FTCDNL1: variants seen among roughly 807,000 people sequenced by gnomAD.
FTCDNL1 encodes formiminotransferase N-terminal subdomain-containing protein.
Under a neutral mutation model 5.9 loss-of-function variants are expected in FTCDNL1, and 11 were observed. The observed-to-expected ratio is 1.87, with a 90% confidence interval of 1.18 to 3.10. The LOEUF (loss-of-function observed/expected upper bound fraction) is 3.10, where lower values mean the gene tolerates loss of function less well. Among genes scored for constraint, FTCDNL1 ranks in the 30% most tolerant of loss-of-function variants. The pLI is 0.00. For synonymous variants in FTCDNL1, 58 were observed against 24.8 expected (o/e 2.34, Z -3.99); for missense variants, 115 against 65.5 (o/e 1.76, Z -2.61).
chr2:199,816,177 C>A (rs1432273255), intron 4 of FTCDNL1, among the ~76,000 whole-genome samples: 1 of 152,074 alleles, frequency 6.6e-6, no homozygotes, highest in Non-Finnish European at 1.5e-5. Flanking sequence ...ATTCACTGAT[C>A]CTCCTTGAAA....
the FTCDNL1 span, among the ~76,000 whole-genome samples, chr2:199,709,015 C>T: frequency 6.6e-6 from 1 of 152,198 alleles, no homozygotes; most frequent in South Asian, 2.1e-4. Flanking sequence ...CCTCCCTGTT[C>T]CCCAAGTGAA....
At chr2:199,701,014 G>A in the FTCDNL1 span, among the ~76,000 whole-genome samples, 1,661 of 152,086 alleles carry the variant, frequency 0.011, 34 homozygotes, top group African/African-American at 0.038. Context: ...GATTTTCAAT[G>A]TGAAAATAAA....
intron 3 of FTCDNL1, among the ~76,000 whole-genome samples, chr2:199,771,410 T>C (rs2106288040): frequency 6.6e-6 from 1 of 152,300 alleles, no homozygotes; most frequent in East Asian, 1.9e-4. Flanking sequence ...ACTCATGGAA[T>C]TGAGAACTGT....
At chr2:199,755,895 T>C (rs1359977759), downstream of FTCDNL1, among the ~76,000 whole-genome samples, 1 of 152,266 alleles carries the variant, frequency 6.6e-6, no homozygotes, top group Non-Finnish European at 1.5e-5. Flanking sequence ...TATTAGCTTC[T>C]GTTATTATGA....
At chr2:199,742,374 G>T in the FTCDNL1 span, among the ~76,000 whole-genome samples, 1 of 152,072 alleles carries the variant, frequency 6.6e-6, no homozygotes, top group Non-Finnish European at 1.5e-5. Context: ...CTGCTCAAAG[G>T]CTCCAAAGTA....
chr2:199,721,219 T>C, the FTCDNL1 span, among the ~76,000 whole-genome samples: 14 of 152,186 alleles, frequency 9.2e-5, no homozygotes, highest in Non-Finnish European at 1.9e-4. Flanking sequence ...TATCAACCCA[T>C]TACCTAAATA....
At chr2:199,710,430 T>C in the FTCDNL1 span, among the ~76,000 whole-genome samples, 2 of 152,228 alleles carry the variant, frequency 1.3e-5, no homozygotes, top group East Asian at 3.9e-4. Context: ...TATAACAAGG[T>C]AATGTGTCAA....
chr2:199,768,137 T>C (rs565033525), intron 3 of FTCDNL1, among the ~76,000 whole-genome samples: 12 of 152,320 alleles, frequency 7.9e-5, no homozygotes, highest in Middle Eastern at 3.4e-3. Context: ...TTTAGAAATA[T>C]GAAAAGAGAT....
At chr2:199,790,215 C>A (rs755135235) in intron 3 of FTCDNL1, among the ~76,000 whole-genome samples, 1 of 151,728 alleles carries the variant, frequency 6.6e-6, no homozygotes, top group East Asian at 1.9e-4. Context: ...AAAAAAAATG[C>A]GGCTGGGCGC....
chr2:199,680,305 C>T, the FTCDNL1 span, among the ~76,000 whole-genome samples: 72 of 152,146 alleles, frequency 4.7e-4, no homozygotes, highest in African/African-American at 1.4e-3. Context: ...TTAAAAAGCA[C>T]AAATCATAGA....
At chr2:199,682,172 G>A in the FTCDNL1 span, among the ~76,000 whole-genome samples, 3 of 152,174 alleles carry the variant, frequency 2.0e-5, no homozygotes, top group African/African-American at 4.8e-5. Flanking sequence ...GAGCAAAGCA[G>A]ATTGCCTCCA....
the FTCDNL1 span, among the ~76,000 whole-genome samples, chr2:199,703,206 TG>T: frequency 1.4e-5 from 2 of 141,710 alleles, no homozygotes; most frequent in African/African-American, 2.5e-5. Flanking sequence ...CCCTCCCCCC[TG>T]CCCCCACCCC....
the FTCDNL1 span, among the ~76,000 whole-genome samples, chr2:199,742,175 C>T: frequency 6.6e-6 from 1 of 152,008 alleles, no homozygotes; most frequent in Non-Finnish European, 1.5e-5. Context: ...TGATCCCCTC[C>T]TAACCATTCT....
At chr2:199,714,807 G>A in the FTCDNL1 span, among the ~76,000 whole-genome samples, 1 of 151,986 alleles carries the variant, frequency 6.6e-6, no homozygotes, top group Non-Finnish European at 1.5e-5. Flanking sequence ...CACAGACACT[G>A]CAGTCCTGTT....
intron 3 of FTCDNL1, among the ~76,000 whole-genome samples, chr2:199,837,429 A>G (rs1485791237): frequency 6.6e-6 from 1 of 152,244 alleles, no homozygotes; most frequent in African/African-American, 2.4e-5. Context: ...CTATATCAGA[A>G]CCCAGCATCT....
the FTCDNL1 span, among the ~76,000 whole-genome samples, chr2:199,751,742 G>A: frequency 2.2e-5 from 3 of 138,208 alleles, no homozygotes; most frequent in East Asian, 2.1e-4. Flanking sequence ...AAAGTGTTCC[G>A]CGAGGTAACA....
downstream of FTCDNL1, chr2:199,760,542 T>G (rs890151048): frequency 1.2e-5 from 5 of 425,518 alleles, no homozygotes; most frequent in Non-Finnish European, 2.1e-5. Flanking sequence ...CAAATTATTT[T>G]TGAAAAACAG....
chr2:199,793,650 C>T (rs1700039751), intron 3 of FTCDNL1, among the ~76,000 whole-genome samples: 1 of 151,972 alleles, frequency 6.6e-6, no homozygotes, highest in South Asian at 2.1e-4. Flanking sequence ...AAGCTGAGTC[C>T]CAGTGTAACA....
chr2:199,698,352 G>A, the FTCDNL1 span, among the ~76,000 whole-genome samples: 1 of 152,006 alleles, frequency 6.6e-6, no homozygotes. Flanking sequence ...GCTGCACATG[G>A]CACATACTCT....
Sources: gnomAD v4.1 joint callset for allele counts (sites outside exome capture counted in the v4.1 genomes callset) on GRCh38, gnomAD v4.1.1 for gene constraint, MANE v1.5 for transcripts, NCBI Gene and HGNC (gene_info 2026-07-23, HGNC 2026-07-21) for gene names.